Variants in RORA observed in about 807,000 individuals in gnomAD.
RORA encodes the protein RAR related orphan receptor A.
In RORA, 7 loss-of-function variants were observed where a neutral mutation model predicts 69.5. The observed-to-expected ratio is 0.10, with a 90% CI of 0.06 to 0.19. RORA has a LOEUF of 0.19. Among genes scored for constraint, RORA ranks in the 10% least tolerant of loss-of-function variants. The probability of loss-of-function intolerance (pLI) is 1.00; values close to 1 mark genes in which losing one functional copy is unlikely to be tolerated. For synonymous variants in RORA, 261 were observed against 240.8 expected, an observed-to-expected ratio of 1.08 and a Z score of -0.78; for missense variants, 457 against 663.0, an observed-to-expected ratio of 0.69 and a Z score of 3.41.
At chr15:61,126,806 G>A (rs865802007) in intron 1 of RORA, among the ~76,000 whole-genome samples, 6 of 152,138 alleles carry the variant, frequency 3.9e-5, no homozygotes, top group East Asian at 3.9e-4. Context: ...ATCAGCCCAC[G>A]CTCTCTCCAC....
In RORA at chr15:60,890,921, C is replaced by T. The variant is rs117324571; in HGVS notation, c.167-212235G>A. ...CTCTCTGAAGTGCCCAATAGTGGGA[C>T]GAGAAAGCTTTCAAAGGGAATTAAG... On this transcript the variant is annotated intron_variant, in intron 1 of 10. Transcript: ENST00000335670. Among the ~76,000 whole-genome samples the T allele has an allele frequency of 3.4e-3, 523 of 152,244 alleles. 3 individuals carry two copies. The highest frequency in any genetic ancestry group is 3.9e-3 in the Non-Finnish European group (268 of 68,008).
intron 1 of RORA, among the ~76,000 whole-genome samples, chr15:61,026,034 C>T (rs984429552): frequency 2.6e-5 from 4 of 152,158 alleles, no homozygotes; most frequent in Non-Finnish European, 2.9e-5. Flanking sequence ...AGCACATTTT[C>T]CATGAACATT....
intron 1 of RORA, among the ~76,000 whole-genome samples, chr15:60,783,242 T>A (rs947036353): frequency 3.9e-5 from 6 of 152,184 alleles, no homozygotes; most frequent in Non-Finnish European, 5.9e-5. Context: ...ATCTTTTTTT[T>A]AATATACCAA....
chr15:61,218,029 T>C (rs1384243627), intron 1 of RORA, among the ~76,000 whole-genome samples: 1 of 152,186 alleles, frequency 6.6e-6, no homozygotes, highest in African/African-American at 2.4e-5. Context: ...TTCTACTTCA[T>C]GCCCAGGACA....
chr15:60,907,708 G>A (rs532156531), intron 1 of RORA, among the ~76,000 whole-genome samples: 7 of 151,718 alleles, frequency 4.6e-5, no homozygotes, highest in East Asian at 3.9e-4. Context: ...CACATTTAGC[G>A]TTTTTTTTCT....
intron 2 of RORA, among the ~76,000 whole-genome samples, chr15:60,626,816 GACTC>G (rs1416968618): frequency 6.6e-6 from 1 of 152,132 alleles, no homozygotes; most frequent in Non-Finnish European, 1.5e-5. Flanking sequence ...GATAGTAACT[GACTC>G]ACTCACTCAC....
intron 1 of RORA, among the ~76,000 whole-genome samples, chr15:61,017,715 G>A (rs886719025): frequency 2.0e-5 from 3 of 152,072 alleles, no homozygotes; most frequent in Non-Finnish European, 4.4e-5. Flanking sequence ...CCCCAAAAAG[G>A]CAAAACAAAG....
At chr15:61,059,374 A>G (rs547299883) in intron 1 of RORA, among the ~76,000 whole-genome samples, 1 of 152,352 alleles carries the variant, frequency 6.6e-6, no homozygotes, top group Non-Finnish European at 1.5e-5. Flanking sequence ...TGTTCACTGC[A>G]CACCTTAGAG....
At chr15:61,051,079 G>T (rs898223454) in intron 1 of RORA, among the ~76,000 whole-genome samples, 30 of 152,178 alleles carry the variant, frequency 2.0e-4, no homozygotes, top group African/African-American at 7.0e-4. Flanking sequence ...ACCACACAAC[G>T]TAATGCTATG....
chr15:60,628,826 C>A (rs72748764), intron 2 of RORA, among the ~76,000 whole-genome samples: 1 of 151,964 alleles, frequency 6.6e-6, no homozygotes, highest in African/African-American at 2.4e-5. Context: ...TAAGGAGAAC[C>A]CAGAGAATGA....
chr15:60,552,250 G>A (rs1419328268), intron 2 of RORA, among the ~76,000 whole-genome samples: 1 of 152,168 alleles, frequency 6.6e-6, no homozygotes, highest in Non-Finnish European at 1.5e-5. Context: ...TGAGCCACAA[G>A]TGCACTGCAG....
intron 1 of RORA, among the ~76,000 whole-genome samples, chr15:61,024,765 A>AT (rs967916876): frequency 2.9e-4 from 44 of 151,086 alleles, no homozygotes; most frequent in Non-Finnish European, 4.9e-4. Flanking sequence ...TACATTTTGT[A>AT]TTTTTTATAG....
chr15:60,981,791 G>A (rs1355615675), intron 1 of RORA, among the ~76,000 whole-genome samples: 5 of 149,164 alleles, frequency 3.4e-5, no homozygotes, highest in East Asian at 1.9e-4. Context: ...TAATGAACTC[G>A]TTTTCACTTT....
intron 5 of RORA, among the ~76,000 whole-genome samples, chr15:60,509,362 A>G (rs2141306572): frequency 6.6e-6 from 1 of 152,274 alleles, no homozygotes; most frequent in Non-Finnish European, 1.5e-5. Context: ...CCTGTGAAAA[A>G]TCCCTAATTT....
At chr15:61,103,992 G>C (rs1267988491) in intron 1 of RORA, among the ~76,000 whole-genome samples, 2 of 152,104 alleles carry the variant, frequency 1.3e-5, no homozygotes, top group African/African-American at 2.4e-5. Flanking sequence ...TGGCAACTAT[G>C]GACACGCTAA....
rs2070707152 is a variant in RORA, at chr15:60,684,417, C to G, written c.167-5731G>C. Among the ~76,000 whole-genome samples the G allele has an allele frequency of 2.0e-5, 3 of 152,086 alleles. No homozygotes were observed. The South Asian group carries it at 6.2e-4, about 32-fold the overall frequency. On this transcript the variant is annotated intron_variant, in intron 1 of 10. Transcript: ENST00000335670. Reference sequence around the variant, plus strand: ...GATCATGACGTCAGGCATTTGAGACCAGCCTGGCCAACATAGTGAAACCCA... The same window carrying G: ...GATCATGACGTCAGGCATTTGAGACGAGCCTGGCCAACATAGTGAAACCCA...
At chr15:60,816,758 T>TAAAATAAAATAAAATAAAATAAAATA (rs1236482202) in intron 1 of RORA, among the ~76,000 whole-genome samples, 1 of 151,670 alleles carries the variant, frequency 6.6e-6, no homozygotes, top group Non-Finnish European at 1.5e-5. Context: ...TAAAATAAAA[T>TAAAATAAAATAAAATAAAATAAAATA]AAAGTGTAGT....
chr15:61,188,015 G>T (rs1185900257), intron 1 of RORA, among the ~76,000 whole-genome samples: 1 of 152,132 alleles, frequency 6.6e-6, no homozygotes, highest in Admixed American at 6.5e-5. Flanking sequence ...TGCCCCACAA[G>T]ACAGAAGATC....
At chr15:61,200,738 C>A (rs1157396663) in intron 1 of RORA, among the ~76,000 whole-genome samples, 1 of 152,134 alleles carries the variant, frequency 6.6e-6, no homozygotes, top group African/African-American at 2.4e-5. Context: ...GTCCTTTTGG[C>A]AGTTGTTGCA....
Sources: gnomAD v4.1 joint callset for allele counts (sites outside exome capture counted in the v4.1 genomes callset) on GRCh38, gnomAD v4.1.1 for gene constraint, MANE v1.5 for transcripts, NCBI Gene and HGNC (gene_info 2026-07-23, HGNC 2026-07-21) for gene names.